The following GRIN2D variants were observed in gnomAD, a reference collection of about 807,000 sequenced individuals.
GRIN2D encodes glutamate receptor ionotropic, NMDA 2D.
A neutral mutation model predicts 103.2 loss-of-function variants in GRIN2D; 37 were observed. The ratio of observed to expected loss-of-function variants is 0.36; its 90% CI spans 0.28 to 0.47. The LOEUF (loss-of-function observed/expected upper bound fraction) is 0.47. Among genes scored for constraint, GRIN2D ranks in the 20% least tolerant of loss-of-function variants. GRIN2D has a pLI of 1.00. For missense variants in GRIN2D, 1,557 were observed against 1,910.6 expected (o/e 0.81, Z 3.45); for synonymous variants, 845 against 885.6 (o/e 0.95, Z 0.81).
At chr19:48,406,956 T>C (rs1270234273) in intron 4 of GRIN2D, among the ~76,000 whole-genome samples, 1 of 151,154 alleles carries the variant, frequency 6.6e-6, no homozygotes, top group Non-Finnish European at 1.5e-5. Flanking sequence ...CTTTCTTTTT[T>C]TCTTTTTCTT....
intron 4 of GRIN2D, among the ~76,000 whole-genome samples, chr19:48,411,079 G>A (rs1005499619): frequency 1.3e-5 from 2 of 151,936 alleles, no homozygotes; most frequent in East Asian, 1.9e-4. Context: ...ACAGCGGCTC[G>A]TGCCAGTAAT....
At chr19:48,420,815 A>G (rs1178957679) in intron 10 of GRIN2D, among the ~76,000 whole-genome samples, 1 of 152,146 alleles carries the variant, frequency 6.6e-6, no homozygotes, top group African/African-American at 2.4e-5. Context: ...AGCCTGGGTG[A>G]CAGAGCGAGA....
At chr19:48,410,443 G>A (rs1306655015) in intron 4 of GRIN2D, among the ~76,000 whole-genome samples, 1 of 142,186 alleles carries the variant, frequency 7.0e-6, no homozygotes, top group East Asian at 2.3e-4. Context: ...CAGGAGAACC[G>A]CTTGAACCCA....
Position 48,441,765 on chromosome 19 carries a change from C to A in GRIN2D, c.2253-4C>A. 1 of 1,607,186 alleles carries A rather than the reference C, an allele frequency of 6.2e-7. No homozygotes were observed. Among genetic ancestry groups the A allele is most frequent in the Non-Finnish European group, 8.5e-7 (1 of 1,175,266 alleles). ...ACCCTACCCTCCATTCCCCCTCCCCCCAGGAAGCTGGACGCCTTCATCTAC... is the reference window on the plus strand; with the variant it reads ...ACCCTACCCTCCATTCCCCCTCCCCACAGGAAGCTGGACGCCTTCATCTAC... On this transcript the variant is annotated splice_region_variant and splice_polypyrimidine_tract_variant and intron_variant, in intron 11 of 13. Coordinates refer to ENST00000263269, the MANE Select transcript of GRIN2D (RefSeq NM_000836.4).
intron 11 of GRIN2D, among the ~76,000 whole-genome samples, chr19:48,425,000 C>T (rs1383018529): frequency 1.3e-5 from 2 of 151,446 alleles, no homozygotes; most frequent in African/African-American, 2.4e-5. Context: ...CAGGAAGGAC[C>T]CTGAGAATTC....
chr19:48,415,488 G>A (rs1267339664), intron 7 of GRIN2D, among the ~76,000 whole-genome samples: 2 of 151,280 alleles, frequency 1.3e-5, no homozygotes, highest in African/African-American at 4.9e-5. Context: ...TTGGAACAGG[G>A]GGCGGGGTCA....
Position 48,442,240 on chromosome 19 carries a change from A to G in GRIN2D, c.2531A>G (p.Asn844Ser). Residue 844 changes from asparagine (N) to serine (S), a missense_variant, in exon 13 of 14, where the codon AAC (asparagine) becomes AGC (serine). Physicochemically the swap from Asn to Ser is conservative, Grantham distance 46 (BLOSUM62 1). Around this residue, in one of 7 missense-constraint regions of GRIN2D, gnomAD observed 138 missense variants for 270.2 expected, o/e 0.51. Coordinates refer to ENST00000263269, the MANE Select transcript of GRIN2D (RefSeq NM_000836.4). The surrounding 1 kb of genome is among the most constrained non-coding windows in gnomAD (Gnocchi z 7.2). ...EVMSSKLDIDNMAGVFYMLLV... is the reference protein window; with the variant it reads ...EVMSSKLDIDSMAGVFYMLLV... ...ATGAGCAGCAAGCTGGACATCGACA[A>G]CATGGCGGGCGTCTTCTACATGCTC... 6.2e-7 allele frequency: 1 copy of G among 1,614,220 alleles called. No individual in the cohort carries two copies. Among genetic ancestry groups the G allele is most frequent in the Non-Finnish European group, 8.5e-7 (1 of 1,180,026 alleles).
At chr19:48,401,124 C>T (rs1212795906) in intron 3 of GRIN2D, among the ~76,000 whole-genome samples, 1 of 151,774 alleles carries the variant, frequency 6.6e-6, no homozygotes, top group Non-Finnish European at 1.5e-5. Flanking sequence ...CTCATTCCCT[C>T]AGGACAACTG....
chr19:48,428,695 A>G (rs1464329938), intron 11 of GRIN2D, among the ~76,000 whole-genome samples: 1 of 152,056 alleles, frequency 6.6e-6, no homozygotes, highest in Non-Finnish European at 1.5e-5. Context: ...CACTAGTCAT[A>G]CTGGATTAGA....
At position 48,405,035 on chromosome 19, in the gene GRIN2D, T is replaced by G. The variant is rs2147441727; in HGVS notation, c.767T>G (p.Val256Gly). ...TGCGCCCGAGAGGAGGCCGAGCCCG[T>G]GTTCCGCGCAGCTGAGGAGGCTGGC... ...LFCAREEAEP[V>G]FRAAEEAGLT... The change falls in exon 4 of 14, where the codon GTG becomes GGG. Residue 256 changes from valine (V) to glycine (G), a missense_variant. By Grantham distance (109) the Val-to-Gly change is moderately radical. Around this residue, in one of 7 missense-constraint regions of GRIN2D, gnomAD observed 490 missense variants for 601.1 expected, o/e 0.82. Coordinates refer to ENST00000263269, the MANE Select transcript of GRIN2D (RefSeq NM_000836.4). The surrounding 1 kb of genome is among the most constrained non-coding windows in gnomAD (Gnocchi z 5.1). 1 of 1,611,570 alleles carries G rather than the reference T, an allele frequency of 6.2e-7. No homozygotes were observed. The highest frequency in any genetic ancestry group is 1.3e-5 in the African/African-American group (1 of 75,010).
rs1490511815 is a variant in GRIN2D at position 48,416,106 on chromosome 19, C to T, written c.1686C>T (p.Ser562=). The part of the protein sequence containing the change: ...FSVPFVETGI[S]VMVARSNGTV... ...TCCCCTTCGTGGAGACCGGCATCAG[C>T]GTCATGGTGGCGCGCAGCAATGGCA... Residue 562 remains serine, a synonymous_variant, in exon 8 of 14, where the codon AGC becomes AGT. Coordinates refer to ENST00000263269, the MANE Select transcript of GRIN2D (RefSeq NM_000836.4). 2 of 1,613,682 alleles carry T rather than the reference C, an allele frequency of 1.2e-6. No homozygotes were observed. Among genetic ancestry groups the T allele is most frequent in the Non-Finnish European group, 1.7e-6 (2 of 1,179,776 alleles).
At position 48,405,494 on chromosome 19, in the gene GRIN2D, G is replaced by A. The variant is rs1970781348; in HGVS notation, c.1085+141G>A. 1.2e-6 allele frequency: 1 copy of A among 845,916 alleles called. No individual in the cohort carries two copies. The highest frequency in any genetic ancestry group is 3.6e-5 in the Admixed American group (1 of 27,978). The allele number at this position is 845,916 out of a possible 1,614,324, so 52.4% of individuals were successfully genotyped here. The stretch of plus-strand genomic sequence containing the variant: ...TTTTCTGTAAAGTGGGTGCAATTGG[G>A]TCTCTTTTCTGAGGTTAAATCAAGT... On this transcript the variant is annotated intron_variant, in intron 4 of 13. Coordinates refer to ENST00000263269, the MANE Select transcript of GRIN2D (RefSeq NM_000836.4). The surrounding 1 kb of genome is among the most constrained non-coding windows in gnomAD (Gnocchi z 5.1).
Position 48,419,186 on chromosome 19 carries a change from G to C in GRIN2D, c.1736-48G>C, listed in dbSNP as rs565947584. 3.0e-5 allele frequency: 47 copies of C among 1,572,212 alleles called. No homozygotes were observed. The South Asian group carries it at 5.1e-4, about 17-fold the overall frequency. ...GAGGCACCGCCCCAGCCTGATCCCC[G>C]AGTCTTTTGCTTGGCTGAGCCATAA... On this transcript the variant is annotated intron_variant, in intron 8 of 13. Coordinates refer to ENST00000263269, the MANE Select transcript of GRIN2D (RefSeq NM_000836.4).
chr19:48,416,658 T>G (rs1970952021), intron 8 of GRIN2D, among the ~76,000 whole-genome samples: 1 of 151,818 alleles, frequency 6.6e-6, no homozygotes, highest in African/African-American at 2.4e-5. Flanking sequence ...CAGTGGCAAA[T>G]GAGGAAGACA....
chr19:48,428,822 A>C (rs75220017), intron 11 of GRIN2D, among the ~76,000 whole-genome samples: 7,096 of 152,204 alleles, frequency 0.047, 344 homozygotes, highest in African/African-American at 0.12. Flanking sequence ...TTGGTGAGGG[A>C]ACACAACTAA....
intron 11 of GRIN2D, among the ~76,000 whole-genome samples, chr19:48,439,339 C>T (rs761430497): frequency 2.0e-5 from 3 of 152,092 alleles, no homozygotes; most frequent in Non-Finnish European, 2.9e-5. Flanking sequence ...AGAAGAGTTA[C>T]ACAGTATTCC....
At position 48,443,007 on chromosome 19, in the gene GRIN2D, C is replaced by A; in HGVS notation, c.3081C>A (p.Phe1027Leu). 9.3e-7 allele frequency: 1 copy of A among 1,078,792 alleles called. No homozygotes were observed. The highest frequency in any genetic ancestry group is 1.1e-6 in the Non-Finnish European group (1 of 891,296). The allele number at this position is 1,078,792 out of a possible 1,614,324, so 66.8% of individuals were successfully genotyped here. The change falls in exon 14 of 14, where the codon TTC becomes TTA. Residue 1027 changes from phenylalanine to leucine, a missense_variant. Around this residue, in one of 7 missense-constraint regions of GRIN2D, gnomAD observed 632 missense variants for 572.8 expected, o/e 1.10. Transcript: ENST00000263269. This position sits in a 1 kb window ranked among gnomAD's most constrained non-coding sequence, Gnocchi z 8.9. ...CCCCCGCCGGCGCCTTCCCCGGCTT[C>A]CCGTCGCCGCCCGCGCCCCCCGCCG... ...AEPPAGAFPGFPSPPAPPAAA... is the reference protein window; with the variant it reads ...AEPPAGAFPGLPSPPAPPAAA...
intron 4 of GRIN2D, among the ~76,000 whole-genome samples, chr19:48,410,407 A>G (rs1320848388): frequency 6.6e-6 from 1 of 151,338 alleles, no homozygotes; most frequent in African/African-American, 2.4e-5. Context: ...GCACGCCTGT[A>G]ATCCCAGCTA....
chr19:48,417,141 G>A (rs762773269), intron 8 of GRIN2D, among the ~76,000 whole-genome samples: 1 of 152,182 alleles, frequency 6.6e-6, no homozygotes, highest in African/African-American at 2.4e-5. Flanking sequence ...TCCGGAGGCT[G>A]AGGTGTAAGG....
Sources: gnomAD v4.1 joint callset for allele counts (sites outside exome capture counted in the v4.1 genomes callset) on GRCh38, gnomAD v4.1.1 for gene constraint, gnomAD v4.1.1 regional missense constraint, Gnocchi (gnomAD v3.1) non-coding constraint, MANE v1.5 for transcripts, NCBI Gene and HGNC (gene_info 2026-07-23, HGNC 2026-07-21) for gene names.